Variants in DPYS observed in about 807,000 individuals in gnomAD.
DPYS encodes dihydropyrimidine amidohydrolase.
DPYS carries 39 observed loss-of-function variants against 50.3 expected under a neutral mutation model. The ratio of observed to expected loss-of-function variants is 0.78; its 90% CI spans 0.60 to 1.01. The LOEUF is 1.01. Among genes scored for constraint, DPYS ranks in the 50% least tolerant of loss-of-function variants. The pLI is 0.00. For missense variants in DPYS, 659 were observed against 680.9 expected, an observed-to-expected ratio of 0.97 and a Z score of 0.36; for synonymous variants, 245 against 250.7, an observed-to-expected ratio of 0.98 and a Z score of 0.22.
At chr8:104,433,128 TC>T (rs1813010493) in intron 4 of DPYS, among the ~76,000 whole-genome samples, 1 of 152,142 alleles carries the variant, frequency 6.6e-6, no homozygotes, top group African/African-American at 2.4e-5. Flanking sequence ...ACATCCTTCC[TC>T]CACAGCTCTC....
rs113650342 is a variant in DPYS, at chr8:104,427,244, T to C, written c.1092+736A>G. On this transcript the variant is annotated intron_variant, in intron 6 of 9. Transcript: ENST00000351513. ...AGAACTGACATCAACAAAGATTTCA[T>C]GGAAAGGAGGTATGAGCATAACGAA... Among the ~76,000 whole-genome samples, 593 of 147,128 alleles carry C rather than the reference T, an allele frequency of 4.0e-3. 4 individuals carry two copies. Among genetic ancestry groups the C allele is most frequent in the Non-Finnish European group, 5.6e-3 (376 of 66,864 alleles).
chr8:104,428,505 G>A (rs757724632), intron 5 of DPYS, among the ~76,000 whole-genome samples: 8 of 152,234 alleles, frequency 5.3e-5, no homozygotes, highest in Non-Finnish European at 1.0e-4. Flanking sequence ...AACTCCTTGT[G>A]AGCAGAATGC....
chr8:104,450,712 C>T (rs1457295377), intron 2 of DPYS, among the ~76,000 whole-genome samples: 1 of 152,188 alleles, frequency 6.6e-6, no homozygotes, highest in African/African-American at 2.4e-5. Flanking sequence ...ATCACTCGGT[C>T]AAGATACAGC....
In DPYS at chr8:104,427,970, T is replaced by C; in HGVS notation, c.1092+10A>G. 6.2e-7 allele frequency: 1 copy of C among 1,613,944 alleles called. No homozygotes were observed. Among genetic ancestry groups the C allele is most frequent in the Non-Finnish European group, 8.5e-7 (1 of 1,179,984 alleles). ...CTAGGCAAAGCAAGGCTGGAACCTG[T>C]GAAACCCACCACGCCTTTTTCCCAT... On this transcript the variant is annotated intron_variant, in intron 6 of 9. Transcript: ENST00000351513.
chr8:104,453,378 T>G (rs1161429316), intron 1 of DPYS, among the ~76,000 whole-genome samples: 1 of 152,218 alleles, frequency 6.6e-6, no homozygotes, highest in South Asian at 2.1e-4. Flanking sequence ...TCTTACCTTC[T>G]TCCTTCTAAA....
intron 8 of DPYS, among the ~76,000 whole-genome samples, chr8:104,381,915 G>A (rs1172615359): frequency 7.1e-6 from 1 of 140,906 alleles, no homozygotes; most frequent in Non-Finnish European, 1.6e-5. Flanking sequence ...ATTATTGTGG[G>A]TCTCATTTTG....
intron 8 of DPYS, among the ~76,000 whole-genome samples, chr8:104,382,306 A>G (rs1811079368): frequency 6.6e-6 from 1 of 152,118 alleles, no homozygotes; most frequent in Non-Finnish European, 1.5e-5. Flanking sequence ...TTCCCTCACC[A>G]GGCCAAGCCT....
chr8:104,386,010 A>G (rs1811203395), intron 8 of DPYS, among the ~76,000 whole-genome samples: 1 of 152,258 alleles, frequency 6.6e-6, no homozygotes, highest in Admixed American at 6.5e-5. Context: ...CACCTCACCT[A>G]GCAGGACATC....
At chr8:104,414,405 T>C (rs537019631) in intron 7 of DPYS, among the ~76,000 whole-genome samples, 1 of 152,304 alleles carries the variant, frequency 6.6e-6, no homozygotes, top group East Asian at 1.9e-4. Flanking sequence ...AGGCAGCAGC[T>C]CTGGGGTAGG....
intron 1 of DPYS, among the ~76,000 whole-genome samples, chr8:104,454,975 A>C (rs1813874511): frequency 1.3e-5 from 2 of 152,168 alleles, no homozygotes. Flanking sequence ...CCATCTCAAG[A>C]GCTCCACAGT....
At chr8:104,464,531 C>A (rs749397227) in intron 1 of DPYS, among the ~76,000 whole-genome samples, 1 of 152,216 alleles carries the variant, frequency 6.6e-6, no homozygotes, top group Non-Finnish European at 1.5e-5. Context: ...CCCCACCTTG[C>A]AGGTGGGAGT....
chr8:104,444,139 TA>T (rs1813448156), intron 4 of DPYS, 108 bp downstream of exon 4: 3 of 1,203,942 alleles, frequency 2.5e-6, no homozygotes, highest in Non-Finnish European at 3.6e-6. Flanking sequence ...GGAAGAAAAG[TA>T]GTGGAAATCC....
At chr8:104,426,255 T>C (rs907132108) in intron 6 of DPYS, among the ~76,000 whole-genome samples, 4 of 152,150 alleles carry the variant, frequency 2.6e-5, no homozygotes, top group Admixed American at 1.3e-4. Context: ...GAGAGAACAA[T>C]AGCACAAACA....
At chr8:104,447,797 C>T (rs188364795) in intron 2 of DPYS, among the ~76,000 whole-genome samples, 158 of 152,236 alleles carry the variant, frequency 1.0e-3, no homozygotes, top group African/African-American at 3.1e-3. Flanking sequence ...ATCTATCTCC[C>T]GATTTGAGGA....
Position 104,466,746 on chromosome 8 carries a change from C to A in DPYS, c.175G>T (p.Val59Phe), listed in dbSNP as rs1321466782. ...LRVLDAAGKL[V>F]LPGGIDTHTH... ...TGTGTGTCGATGCCTCCGGGCAGGA[C>A]GAGCTTGCCGGCGGCGTCGAGGACC... is the stretch of plus-strand genomic sequence containing the variant. The change falls in exon 1 of 10, where the codon GTC (valine) becomes TTC (phenylalanine). Residue 59 changes from valine to phenylalanine, a missense_variant. Coordinates refer to ENST00000351513, the MANE Select transcript of DPYS (RefSeq NM_001385.3). 3.9e-6 allele frequency: 6 copies of A among 1,535,416 alleles called. No homozygotes were observed. The East Asian group carries it at 1.2e-4, about 31-fold the overall frequency.
intron 8 of DPYS, among the ~76,000 whole-genome samples, chr8:104,391,437 C>A (rs921559744): frequency 7.9e-5 from 12 of 152,212 alleles, no homozygotes; most frequent in African/African-American, 2.9e-4. Context: ...TAGCTAGGGG[C>A]CTGCCATCTA....
Position 104,466,641 on chromosome 8 carries a change from G to T in DPYS, c.264+16C>A. On this transcript the variant is annotated intron_variant, in intron 1 of 9. Transcript: ENST00000351513. ...TCCGTGGGTACCGCGGGGCGGGGGC[G>T]CGGCGGGGCGGGTACCTTGGTGCCC... 1 of 1,504,168 alleles carries T rather than the reference G, an allele frequency of 6.6e-7. No individual in the cohort carries two copies. Among genetic ancestry groups the T allele is most frequent in the Non-Finnish European group, 8.9e-7 (1 of 1,127,368 alleles). 93.2% of individuals were successfully genotyped at this position (1,504,168 alleles called of 1,614,324 possible).
At chr8:104,399,866 CAAAAAAA>C (rs57562204) in intron 7 of DPYS, among the ~76,000 whole-genome samples, 4 of 52,520 alleles carry the variant, frequency 7.6e-5, no homozygotes, top group South Asian at 1.2e-3. Flanking sequence ...GACTCCGTCT[CAAAAAAA>C]AAAAAAAAAA....
intron 7 of DPYS, among the ~76,000 whole-genome samples, chr8:104,417,236 G>C (rs1190627563): frequency 6.6e-6 from 1 of 152,198 alleles, no homozygotes; most frequent in Non-Finnish European, 1.5e-5. Flanking sequence ...GATTCTGTGA[G>C]ATATCCTGTA....
Sources: gnomAD v4.1 joint callset for allele counts (sites outside exome capture counted in the v4.1 genomes callset) on GRCh38, gnomAD v4.1.1 for gene constraint, MANE v1.5 for transcripts, NCBI Gene and HGNC (gene_info 2026-07-23, HGNC 2026-07-21) for gene names.